The following TACC2 variants were observed in gnomAD, a reference collection of about 807,000 sequenced individuals.
The protein encoded by TACC2 is transforming acidic coiled-coil-containing protein 2.
In TACC2, 137 loss-of-function variants were observed where a neutral mutation model predicts 227.3. The ratio of observed to expected loss-of-function variants is 0.60; its 90% CI spans 0.52 to 0.69. The LOEUF is 0.69. Ranked by LOEUF, TACC2 falls within the 30% of genes least tolerant of loss-of-function variation. TACC2 has a pLI of 0.00. For synonymous variants in TACC2, 1,523 were observed against 1,487.5 expected (o/e 1.02, Z -0.55); for missense variants, 3,470 against 3,694.4 (o/e 0.94, Z 1.57).
At chr10:122,076,400 G>A (rs78224953) in intron 3 of TACC2, among the ~76,000 whole-genome samples, 8,340 of 152,178 alleles carry the variant, frequency 0.055, 292 homozygotes, top group South Asian at 0.12. Context: ...AAGTTTCAGC[G>A]GGAGTTTGAA....
In TACC2 at chr10:122,085,115, C is replaced by G; in HGVS notation, c.2615C>G (p.Ser872Cys). 6.2e-7 allele frequency: 1 copy of G among 1,614,210 alleles called. No individual in the cohort carries two copies. The highest frequency in any genetic ancestry group is 2.2e-5 in the East Asian group (1 of 44,884). ...GGTTTTAAGGACCAGGGAGCAGATT[C>G]TTCCCAAATCCATGTACCTGTGGAA... The part of the protein sequence containing the change: ...HPGFKDQGAD[S>C]SQIHVPVEPQ... Residue 872 changes from serine to cysteine, a missense_variant, in exon 4 of 23, where the codon TCT becomes TGT. Physicochemically the swap from Ser to Cys is moderately radical, Grantham distance 112 (BLOSUM62 -1). This residue lies in a region of TACC2 where 1,924 missense variants were observed against 1,978.3 expected (regional missense o/e 0.97). Coordinates refer to ENST00000369005, the MANE Select transcript of TACC2 (RefSeq NM_206862.4).
intron 7 of TACC2, among the ~76,000 whole-genome samples, chr10:122,191,545 G>A (rs1228012219): frequency 6.6e-6 from 1 of 152,100 alleles, no homozygotes; most frequent in Non-Finnish European, 1.5e-5. Flanking sequence ...AAATCTCATA[G>A]TGTTTTAAGA....
chr10:122,011,869 T>C (rs1193194382), intron 1 of TACC2, among the ~76,000 whole-genome samples: 1 of 152,148 alleles, frequency 6.6e-6, no homozygotes, highest in East Asian at 1.9e-4. Context: ...AGACCTAGGT[T>C]TGGATCTCAG....
intron 2 of TACC2, among the ~76,000 whole-genome samples, chr10:122,046,690 A>G (rs887336257): frequency 2.0e-5 from 3 of 152,024 alleles, no homozygotes; most frequent in Non-Finnish European, 4.4e-5. Context: ...TGTTGTTTGC[A>G]TCTGTCTGGG....
chr10:122,110,556 C>T (rs994966296), intron 5 of TACC2, among the ~76,000 whole-genome samples: 15 of 152,232 alleles, frequency 9.9e-5, no homozygotes, highest in East Asian at 1.9e-4. Context: ...TGGCTGTGTC[C>T]GAATGCTGGC....
chr10:122,014,191 C>G (rs1488256358), intron 1 of TACC2, among the ~76,000 whole-genome samples: 1 of 151,928 alleles, frequency 6.6e-6, no homozygotes, highest in Non-Finnish European at 1.5e-5. Context: ...CCTCTCTAAG[C>G]CTTCATCTTA....
At chr10:122,021,866 G>C in intron 1 of TACC2, 71 bp from the exon 2 acceptor site, 2 of 852,168 alleles carry the variant, frequency 2.3e-6, no homozygotes, top group Non-Finnish European at 3.9e-6. Context: ...AGTTTGGGGA[G>C]ATGAGCAGAC....
intron 5 of TACC2, among the ~76,000 whole-genome samples, chr10:122,104,946 T>G (rs1366853958): frequency 6.6e-6 from 1 of 152,212 alleles, no homozygotes; most frequent in African/African-American, 2.4e-5. Flanking sequence ...GACGTAAGCA[T>G]AAGAACCATG....
intron 2 of TACC2, among the ~76,000 whole-genome samples, chr10:122,031,366 T>A (rs1245766371): frequency 6.6e-6 from 1 of 150,810 alleles, no homozygotes; most frequent in Non-Finnish European, 1.5e-5. Flanking sequence ...GGTCCAGCCT[T>A]CCATGCTTCT....
At chr10:122,092,099 C>T (rs933940824) in intron 5 of TACC2, among the ~76,000 whole-genome samples, 7 of 152,194 alleles carry the variant, frequency 4.6e-5, no homozygotes, top group African/African-American at 9.7e-5. Context: ...GTGACCTGCA[C>T]GATTATATCT....
intron 7 of TACC2, among the ~76,000 whole-genome samples, chr10:122,177,068 A>G (rs1027215611): frequency 6.6e-6 from 1 of 152,206 alleles, no homozygotes. Flanking sequence ...TTACTAATGT[A>G]GATTTTCTTG....
intron 2 of TACC2, among the ~76,000 whole-genome samples, chr10:122,042,237 A>G (rs781414861): frequency 2.0e-4 from 30 of 150,534 alleles, no homozygotes; most frequent in Non-Finnish European, 1.9e-4. Flanking sequence ...AAGCCACTGC[A>G]CATGGCCTTT....
chr10:122,048,380 T>C (rs1319139872), intron 2 of TACC2, among the ~76,000 whole-genome samples: 1 of 151,270 alleles, frequency 6.6e-6, no homozygotes, highest in Non-Finnish European at 1.5e-5. Flanking sequence ...CCTTATTTTT[T>C]TTTTCTCCTC....
chr10:122,013,350 G>A (rs1289106065), intron 1 of TACC2, among the ~76,000 whole-genome samples: 1 of 152,228 alleles, frequency 6.6e-6, no homozygotes, highest in African/African-American at 2.4e-5. Context: ...TGCCAGAGCA[G>A]AAGGCAAGCA....
At chr10:122,168,365 C>G (rs1435257857) in intron 7 of TACC2, among the ~76,000 whole-genome samples, 1 of 152,112 alleles carries the variant, frequency 6.6e-6, no homozygotes, top group African/African-American at 2.4e-5. Flanking sequence ...TTTTTCTCCC[C>G]TAAAATAGAA....
At chr10:122,156,039 G>A (rs1339139692) in intron 7 of TACC2, among the ~76,000 whole-genome samples, 4 of 151,218 alleles carry the variant, frequency 2.6e-5, no homozygotes, top group Non-Finnish European at 4.4e-5. Context: ...AGGTTTCACC[G>A]TGTTAGCCAG....
chr10:122,092,187 T>C (rs1462271894), intron 5 of TACC2, among the ~76,000 whole-genome samples: 2 of 152,244 alleles, frequency 1.3e-5, no homozygotes, highest in Non-Finnish European at 1.5e-5. Context: ...GTCTTTCTTT[T>C]CCAGCGTTGA....
intron 3 of TACC2, among the ~76,000 whole-genome samples, chr10:122,077,879 T>C (rs2078995251): frequency 6.6e-6 from 1 of 151,980 alleles, no homozygotes; most frequent in Admixed American, 6.6e-5. Flanking sequence ...GGCTGTTGTG[T>C]GGATTAAGCG....
intron 7 of TACC2, among the ~76,000 whole-genome samples, chr10:122,162,903 G>T (rs1212862767): frequency 6.6e-6 from 1 of 152,096 alleles, no homozygotes; most frequent in Non-Finnish European, 1.5e-5. Flanking sequence ...AGCTGGCCGC[G>T]CCTCTGCTTG....
Sources: gnomAD v4.1 joint callset for allele counts (sites outside exome capture counted in the v4.1 genomes callset) on GRCh38, gnomAD v4.1.1 for gene constraint, gnomAD v4.1.1 regional missense constraint, MANE v1.5 for transcripts, NCBI Gene and HGNC (gene_info 2026-07-23, HGNC 2026-07-21) for gene names.